KIF6: variants seen among roughly 807,000 people sequenced by gnomAD.
KIF6 encodes kinesin family member 6.
A neutral mutation model predicts 112.7 loss-of-function variants in KIF6; 106 were observed. The ratio of observed to expected loss-of-function variants is 0.94; its 90% CI spans 0.80 to 1.11. KIF6 has a LOEUF of 1.11. Among genes scored for constraint, KIF6 ranks in the 50% least tolerant of loss-of-function variants. The pLI is 0.00. For missense variants in KIF6, 929 were observed against 964.0 expected, an observed-to-expected ratio of 0.96 and a Z score of 0.48; for synonymous variants, 339 against 339.9, an observed-to-expected ratio of 1.00 and a Z score of 0.03.
intron 16 of KIF6, among the ~76,000 whole-genome samples, chr6:39,365,752 A>G (rs1173485718): frequency 6.6e-6 from 1 of 152,204 alleles, no homozygotes; most frequent in Non-Finnish European, 1.5e-5. Flanking sequence ...CAAGAAATTC[A>G]GTGAAGCCCC....
intron 19 of KIF6, among the ~76,000 whole-genome samples, chr6:39,353,513 A>G (rs1764416993): frequency 6.6e-6 from 1 of 152,200 alleles, no homozygotes; most frequent in Admixed American, 6.5e-5. Flanking sequence ...ATTTTCTCCC[A>G]GTCTGTAGCT....
At chr6:39,700,888 T>A (rs970721371) in intron 3 of KIF6, among the ~76,000 whole-genome samples, 1 of 152,052 alleles carries the variant, frequency 6.6e-6, no homozygotes, top group East Asian at 1.9e-4. Context: ...AACTTTTGTA[T>A]TTTTTAGTAG....
intron 13 of KIF6, among the ~76,000 whole-genome samples, chr6:39,486,230 C>T (rs1775105453): frequency 6.6e-6 from 1 of 152,172 alleles, no homozygotes; most frequent in Non-Finnish European, 1.5e-5. Flanking sequence ...TAGCAATTTC[C>T]ATTTCTTTCC....
chr6:39,391,959 A>ATG (rs1344259277), intron 15 of KIF6, among the ~76,000 whole-genome samples: 122 of 151,470 alleles, frequency 8.1e-4, no homozygotes, highest in African/African-American at 1.7e-3. Context: ...ATATATATAT[A>ATG]TGTGTGTGTG....
At chr6:39,700,439 ACCCT>A (rs1251306562) in intron 3 of KIF6, among the ~76,000 whole-genome samples, 1 of 152,234 alleles carries the variant, frequency 6.6e-6, no homozygotes, top group Non-Finnish European at 1.5e-5. Context: ...AAAAGATTTA[ACCCT>A]ACATGCAAGT....
At chr6:39,507,816 C>T (rs1160784534) in intron 13 of KIF6, among the ~76,000 whole-genome samples, 2 of 151,356 alleles carry the variant, frequency 1.3e-5, no homozygotes, top group African/African-American at 4.9e-5. Flanking sequence ...AGGCCATCTC[C>T]TACCACTTGA....
At chr6:39,640,985 G>A (rs551310384) in intron 3 of KIF6, among the ~76,000 whole-genome samples, 9 of 152,108 alleles carry the variant, frequency 5.9e-5, no homozygotes, top group Non-Finnish European at 1.2e-4. Context: ...TTTGAGGAGT[G>A]TAATCACTTT....
chr6:39,517,276 C>A (rs9394603), intron 13 of KIF6, among the ~76,000 whole-genome samples: 6,794 of 152,200 alleles, frequency 0.045, 289 homozygotes, highest in East Asian at 0.25. Flanking sequence ...GCAGAGCACC[C>A]CCAGCTCCCA....
At chr6:39,418,374 C>T (rs982379598) in intron 15 of KIF6, among the ~76,000 whole-genome samples, 1 of 151,992 alleles carries the variant, frequency 6.6e-6, no homozygotes, top group African/African-American at 2.4e-5. Flanking sequence ...TTAAGATAAA[C>T]CAATTATATT....
chr6:39,675,390 T>C (rs182750593), intron 3 of KIF6, among the ~76,000 whole-genome samples: 7 of 152,346 alleles, frequency 4.6e-5, no homozygotes, highest in Admixed American at 4.6e-4. Context: ...ATGTACATAA[T>C]TGAGGTGTAA....
At chr6:39,617,988 A>G (rs1783619403) in intron 5 of KIF6, among the ~76,000 whole-genome samples, 1 of 152,244 alleles carries the variant, frequency 6.6e-6, no homozygotes, top group South Asian at 2.1e-4. Flanking sequence ...AGGTTTAGGG[A>G]AAAGCAGAGA....
chr6:39,503,250 A>G (rs1004453281), intron 13 of KIF6, among the ~76,000 whole-genome samples: 2 of 152,262 alleles, frequency 1.3e-5, no homozygotes, highest in Admixed American at 1.3e-4. Flanking sequence ...TCTTGGGTAA[A>G]TAATGAAATT....
intron 16 of KIF6, among the ~76,000 whole-genome samples, chr6:39,373,763 T>A (rs188570009): frequency 2.7e-4 from 41 of 152,250 alleles, no homozygotes; most frequent in African/African-American, 8.9e-4. Context: ...ATTGTATTCA[T>A]GGATTTGAAG....
chr6:39,504,286 A>G (rs1776313154), intron 13 of KIF6, among the ~76,000 whole-genome samples: 1 of 152,124 alleles, frequency 6.6e-6, no homozygotes, highest in Non-Finnish European at 1.5e-5. Context: ...AGCAGAAAAA[A>G]CATTCAATAA....
At chr6:39,509,607 G>A (rs1026667354) in intron 13 of KIF6, among the ~76,000 whole-genome samples, 6 of 152,114 alleles carry the variant, frequency 3.9e-5, no homozygotes, top group South Asian at 2.1e-4. Flanking sequence ...TAGCTGATTC[G>A]ATCAAGTGGA....
intron 13 of KIF6, among the ~76,000 whole-genome samples, chr6:39,510,745 A>G (rs867727367): frequency 1.3e-5 from 2 of 152,102 alleles, no homozygotes; most frequent in African/African-American, 4.8e-5. Context: ...ACAGACACAG[A>G]CTGGCAAATT....
At chr6:39,598,878 T>C (rs1782431990) in intron 6 of KIF6, among the ~76,000 whole-genome samples, 1 of 152,164 alleles carries the variant, frequency 6.6e-6, no homozygotes, top group South Asian at 2.1e-4. Context: ...AACATTATGA[T>C]AGAATTTACA....
chr6:39,594,113 C>T (rs1782103669), intron 7 of KIF6, among the ~76,000 whole-genome samples: 1 of 151,798 alleles, frequency 6.6e-6, no homozygotes, highest in Non-Finnish European at 1.5e-5. Context: ...CCCAAGACTA[C>T]TCACACGAGG....
At chr6:39,599,328 T>C (rs1005855231) in intron 6 of KIF6, among the ~76,000 whole-genome samples, 1 of 152,232 alleles carries the variant, frequency 6.6e-6, no homozygotes, top group African/African-American at 2.4e-5. Context: ...GATGCACATG[T>C]GTGCAGACAG....
Sources: allele counts gnomAD v4.1 joint callset (sites outside exome capture counted in the v4.1 genomes callset), GRCh38; gene constraint gnomAD v4.1.1; transcripts MANE v1.5; gene names NCBI Gene and HGNC (gene_info 2026-07-23, HGNC 2026-07-21).